The following TMTC1 variants were observed in gnomAD, a reference collection of about 807,000 sequenced individuals.
TMTC1 encodes the protein protein O-mannosyl-transferase TMTC1.
A neutral mutation model predicts 104.8 loss-of-function variants in TMTC1; 73 were observed. The observed-to-expected ratio is 0.70, with a 90% confidence interval of 0.58 to 0.85. The LOEUF (loss-of-function observed/expected upper bound fraction) is 0.85, where lower values mean the gene tolerates loss of function less well. Ranked by LOEUF, TMTC1 falls within the 40% of genes least tolerant of loss-of-function variation. TMTC1 has a pLI of 0.00. For missense variants in TMTC1, 1,035 were observed against 1,096.1 expected, an observed-to-expected ratio of 0.94 and a Z score of 0.79; for synonymous variants, 434 against 428.7, an observed-to-expected ratio of 1.01 and a Z score of -0.15.
intron 5 of TMTC1, among the ~76,000 whole-genome samples, chr12:29,648,525 T>C (rs950194384): frequency 3.3e-5 from 5 of 152,102 alleles, no homozygotes; most frequent in African/African-American, 7.2e-5. Flanking sequence ...ACACAGCAGA[T>C]TGGAAGAGGC....
At position 29,506,860 on chromosome 12, in the gene TMTC1, T is replaced by C. The variant is rs1227971331; in HGVS notation, c.2635A>G (p.Lys879Glu). 6.2e-7 allele frequency: 1 copy of C among 1,614,086 alleles called. No individual in the cohort carries two copies. The highest frequency in any genetic ancestry group is 1.1e-5 in the South Asian group (1 of 91,080). ...AGACGGTGGTGCTATGTTTGATCCT[T>C]TTCTCGAACTTCTTGTAATCGTTTT... ...LEKRLQEVRE[K>E]DQT The change falls in exon 18 of 18, where the codon AAG (lysine) becomes GAG (glutamate). Residue 879 changes from lysine (K) to glutamate (E), a missense_variant. Coordinates refer to ENST00000539277, the MANE Select transcript of TMTC1 (RefSeq NM_001193451.2).
chr12:29,536,342 G>T, intron 10 of TMTC1, 25 bp from the exon 11 acceptor site: 1 of 1,396,994 alleles, frequency 7.2e-7, no homozygotes, highest in Non-Finnish European at 1.0e-6. Context: ...GAAGGGGTGG[G>T]GGAGAACATC....
intron 8 of TMTC1, among the ~76,000 whole-genome samples, chr12:29,576,983 T>A: frequency 6.6e-6 from 1 of 152,170 alleles, no homozygotes; most frequent in East Asian, 1.9e-4. Context: ...CTCTATTTTA[T>A]TTTCTGTCTG....
rs1021676851 is a variant in TMTC1 at position 29,673,751 on chromosome 12, T to C, written c.939-40415A>G. The stretch of plus-strand genomic sequence containing the variant: ...TGGCTGCCAGAGGGACTTCTTTTTT[T>C]TTTTTTTTTTTTTTTTTTCTTTTTT... On this transcript the variant is annotated intron_variant, in intron 5 of 17. Coordinates refer to ENST00000539277, the MANE Select transcript of TMTC1 (RefSeq NM_001193451.2). Among the ~76,000 whole-genome samples the C allele has an allele frequency of 6.5e-4, 90 of 137,806 alleles. No individual in the cohort carries two copies. In the Middle Eastern group the frequency reaches 0.015, roughly 22 times the overall value. 90.4% of individuals were successfully genotyped at this position (137,806 alleles called of 152,430 possible).
chr12:29,539,839 C>G (rs2136212297), intron 10 of TMTC1, among the ~76,000 whole-genome samples: 2 of 152,230 alleles, frequency 1.3e-5, no homozygotes, highest in South Asian at 4.1e-4. Context: ...CATGATTTGC[C>G]CTGCTCCTAA....
At chr12:29,758,022 C>T (rs1592019159) in intron 3 of TMTC1, among the ~76,000 whole-genome samples, 2 of 152,176 alleles carry the variant, frequency 1.3e-5, no homozygotes, top group East Asian at 3.9e-4. Context: ...GGTGGAGACA[C>T]AGCCAAACCA....
intron 7 of TMTC1, among the ~76,000 whole-genome samples, chr12:29,593,497 C>T (rs1269958996): frequency 1.3e-5 from 2 of 152,078 alleles, no homozygotes; most frequent in Non-Finnish European, 2.9e-5. Flanking sequence ...TTTCCTTGTG[C>T]GCTATTATTT....
chr12:29,604,757 A>G (rs986269352), intron 6 of TMTC1, among the ~76,000 whole-genome samples: 3 of 152,246 alleles, frequency 2.0e-5, no homozygotes, highest in Non-Finnish European at 2.9e-5. Context: ...CACCAGGAGA[A>G]GCAAAGTTTA....
chr12:29,713,404 T>TGTGTTA (rs1941991732), intron 5 of TMTC1, among the ~76,000 whole-genome samples: 2 of 151,966 alleles, frequency 1.3e-5, no homozygotes, highest in East Asian at 3.9e-4. Context: ...ACTAATGTTC[T>TGTGTTA]CCATCAGTTT....
chr12:29,585,814 C>T (rs190593769), intron 7 of TMTC1, among the ~76,000 whole-genome samples: 3 of 152,276 alleles, frequency 2.0e-5, no homozygotes, highest in Admixed American at 1.3e-4. Flanking sequence ...GTTTTGGTAC[C>T]AGTACAATGC....
intron 10 of TMTC1, among the ~76,000 whole-genome samples, chr12:29,555,837 C>A (rs999466647): frequency 2.6e-5 from 4 of 152,074 alleles, no homozygotes; most frequent in African/African-American, 2.4e-5. Context: ...TGGGTATATA[C>A]CCAGTAATGG....
intron 9 of TMTC1, among the ~76,000 whole-genome samples, chr12:29,562,967 A>T (rs1263882092): frequency 6.6e-6 from 1 of 152,136 alleles, no homozygotes; most frequent in Admixed American, 6.5e-5. Flanking sequence ...ACTGTTGCTG[A>T]TAGCTTTCAA....
In TMTC1 at chr12:29,751,884, G is replaced by A. The variant is rs1462750395; in HGVS notation, c.732-12C>T. Reference sequence around the variant, plus strand: ...GGGCCCCATTGCTCCTGTTGTGCATGGAATTGAGGGAAAACAAAGTCAACC... The same window carrying A: ...GGGCCCCATTGCTCCTGTTGTGCATAGAATTGAGGGAAAACAAAGTCAACC... On this transcript the variant is annotated splice_polypyrimidine_tract_variant and intron_variant, in intron 4 of 17. Transcript: ENST00000539277. The A allele has an allele frequency of 6.6e-7, 1 of 1,526,462 alleles. No individual in the cohort carries two copies. Among genetic ancestry groups the A allele is most frequent in the Non-Finnish European group, 8.8e-7 (1 of 1,134,800 alleles). 94.6% of individuals were successfully genotyped at this position (1,526,462 alleles called of 1,614,324 possible). A position where few individuals can be genotyped will look rare whatever the true frequency, so the allele number is the denominator to read the frequency against.
intron 5 of TMTC1, among the ~76,000 whole-genome samples, chr12:29,648,378 G>A (rs1939365298): frequency 1.3e-5 from 2 of 152,126 alleles, no homozygotes; most frequent in South Asian, 4.1e-4. Flanking sequence ...AGCACCTATG[G>A]TCTTGGGTCT....
chr12:29,755,348 A>G (rs1036146675), intron 4 of TMTC1, among the ~76,000 whole-genome samples: 1 of 152,238 alleles, frequency 6.6e-6, no homozygotes, highest in African/African-American at 2.4e-5. Context: ...ATTCAAAGCA[A>G]GCTGTGAAAA....
At chr12:29,683,544 G>A (rs1591920584) in intron 5 of TMTC1, among the ~76,000 whole-genome samples, 1 of 152,230 alleles carries the variant, frequency 6.6e-6, no homozygotes, top group East Asian at 1.9e-4. Flanking sequence ...GTGTGTATAC[G>A]CAAGGGACCC....
chr12:29,601,652 T>C (rs1359992099), intron 7 of TMTC1, among the ~76,000 whole-genome samples: 1 of 152,192 alleles, frequency 6.6e-6, no homozygotes, highest in Non-Finnish European at 1.5e-5. Flanking sequence ...GTTTTCCAGC[T>C]CTGCCACTCA....
At chr12:29,772,101 G>A (rs1047520185) in intron 1 of TMTC1, among the ~76,000 whole-genome samples, 3 of 152,190 alleles carry the variant, frequency 2.0e-5, no homozygotes, top group African/African-American at 7.2e-5. Context: ...CCAAAGGCTA[G>A]GTTTAGCCTG....
At chr12:29,565,127 C>T (rs931228187) in intron 9 of TMTC1, among the ~76,000 whole-genome samples, 39 of 152,176 alleles carry the variant, frequency 2.6e-4, no homozygotes, top group South Asian at 8.3e-4. Context: ...GCAGGGTAGG[C>T]GGCAGGCTGG....
Sources: allele counts gnomAD v4.1 joint callset (sites outside exome capture counted in the v4.1 genomes callset), GRCh38; gene constraint gnomAD v4.1.1; transcripts MANE v1.5; gene names NCBI Gene and HGNC (gene_info 2026-07-23, HGNC 2026-07-21).